SFMBT2: variants seen among roughly 807,000 people sequenced by gnomAD.
The protein encoded by SFMBT2 is Scm like with four mbt domains 2.
SFMBT2 carries 38 observed loss-of-function variants against 110.1 expected under a neutral mutation model. That is an observed-to-expected ratio of 0.35 (90% CI 0.27 to 0.45). The LOEUF (loss-of-function observed/expected upper bound fraction) is 0.45, where lower values mean the gene tolerates loss of function less well. SFMBT2 is among the 20% of genes least tolerant of loss of function. SFMBT2 has a pLI of 1.00. For missense variants in SFMBT2, 1,011 were observed against 1,094.9 expected (o/e 0.92, Z 1.08); for synonymous variants, 425 against 425.4 (o/e 1.00, Z 0.01).
chr10:7,395,797 T>C (rs1845909219), intron 1 of SFMBT2, among the ~76,000 whole-genome samples: 1 of 152,132 alleles, frequency 6.6e-6, no homozygotes, highest in African/African-American at 2.4e-5. Context: ...TCCCTAAGGC[T>C]ATGAATGTTT....
rs776087473 is a variant in SFMBT2 at position 7,188,705 on chromosome 10, T to C, written c.1727A>G (p.Tyr576Cys). ...TTCTCTTAATACCCTTCCAGGCTTG[T>C]AGGCTGCGTTGATTATCATGCTAAG... is the stretch of plus-strand genomic sequence containing the variant. ...EVLSMIINAA[Y>C]KPGRVLRELQ... The change falls in exon 16 of 21, where the codon TAC (tyrosine) becomes TGC (cysteine). Residue 576 changes from tyrosine to cysteine, a missense_variant. Physicochemically the swap from Tyr to Cys is radical, Grantham distance 194. Transcript: ENST00000397167. The C allele has an allele frequency of 1.9e-6, 3 of 1,613,402 alleles. No individual in the cohort carries two copies. Among genetic ancestry groups the C allele is most frequent in the Non-Finnish European group, 1.7e-6 (2 of 1,179,618 alleles).
At chr10:7,352,034 T>C (rs1377283020) in intron 4 of SFMBT2, among the ~76,000 whole-genome samples, 1 of 151,928 alleles carries the variant, frequency 6.6e-6, no homozygotes, top group Non-Finnish European at 1.5e-5. Context: ...TTTTCTGAAG[T>C]CGCTTTTTTC....
At chr10:7,295,373 A>G (rs976154405) in intron 4 of SFMBT2, 5 of 152,210 alleles carry the variant, frequency 3.3e-5, no homozygotes, top group Admixed American at 2.0e-4. Context: ...CACCTCCAAC[A>G]ACTGGCCAAC....
At chr10:7,254,053 C>G (rs1046210788) in intron 7 of SFMBT2, among the ~76,000 whole-genome samples, 24 of 152,186 alleles carry the variant, frequency 1.6e-4, no homozygotes, top group African/African-American at 5.8e-4. Context: ...ACTGAAACTT[C>G]TGGCCATTGG....
At chr10:7,298,383 T>G (rs1842465768) in intron 4 of SFMBT2, among the ~76,000 whole-genome samples, 1 of 152,130 alleles carries the variant, frequency 6.6e-6, no homozygotes, top group African/African-American at 2.4e-5. Context: ...CCATCCTGGG[T>G]CACCACATGT....
chr10:7,287,462 ATCTCTTTGGCAT>A (rs1842129243), intron 4 of SFMBT2: 1 of 243,724 alleles, frequency 4.1e-6, no homozygotes. Context: ...AGGAAAGCAT[ATCTCTTTGGCAT>A]GTCTCCCAAG....
rs143997578 is a variant in SFMBT2 at position 7,293,727 on chromosome 10, C to CCTCT, written c.437-7777_437-7774dup. On this transcript the variant is annotated intron_variant, in intron 4 of 20. Transcript: ENST00000397167. The surrounding 1 kb of genome is among the most constrained non-coding windows in gnomAD (Gnocchi z 4.6). The stretch of plus-strand genomic sequence containing the variant: ...CTCTTTCTCTCTCTCTCTTTCTCTC[C>CCTCT]CTCTCTCTCTCTCTCATCCAAGGCA... Among the ~76,000 whole-genome samples, 1 of 150,032 alleles carries CCTCT rather than the reference C, an allele frequency of 6.7e-6. No homozygotes were observed. Among genetic ancestry groups the CCTCT allele is most frequent in the Non-Finnish European group, 1.5e-5 (1 of 67,322 alleles).
At chr10:7,189,693 G>C (rs147779490) in intron 15 of SFMBT2, among the ~76,000 whole-genome samples, 119 of 152,306 alleles carry the variant, frequency 7.8e-4, no homozygotes, top group Non-Finnish European at 1.5e-3. Flanking sequence ...AACAAGACGG[G>C]GGAGCACGCA....
intron 7 of SFMBT2, among the ~76,000 whole-genome samples, chr10:7,267,802 G>C (rs765539265): frequency 6.6e-6 from 1 of 151,918 alleles, no homozygotes; most frequent in Non-Finnish European, 1.5e-5. Context: ...TTCTTTAAAG[G>C]ATAAAAAAAG....
At chr10:7,252,745 T>C (rs1273054979) in intron 7 of SFMBT2, among the ~76,000 whole-genome samples, 1 of 152,186 alleles carries the variant, frequency 6.6e-6, no homozygotes, top group East Asian at 1.9e-4. Context: ...TCTCCCAGGT[T>C]TCAGCTGTGT....
intron 16 of SFMBT2, among the ~76,000 whole-genome samples, chr10:7,177,726 C>T (rs1005342930): frequency 7.2e-5 from 11 of 151,802 alleles, no homozygotes; most frequent in African/African-American, 2.2e-4. Context: ...ACTATGGGCA[C>T]GGTGGGGCAC....
intron 2 of SFMBT2, among the ~76,000 whole-genome samples, chr10:7,378,029 G>A (rs560501869): frequency 5.3e-5 from 8 of 151,752 alleles, no homozygotes; most frequent in Non-Finnish European, 1.2e-4. Flanking sequence ...GGGTGGGAGT[G>A]TGTGTGTGGA....
chr10:7,373,533 AGCCAC>A (rs1845116488), intron 2 of SFMBT2, among the ~76,000 whole-genome samples: 1 of 152,192 alleles, frequency 6.6e-6, no homozygotes, highest in Non-Finnish European at 1.5e-5. Flanking sequence ...AATCACCCTG[AGCCAC>A]TGTTGTCCAG....
rs750875082 is a variant in SFMBT2, at chr10:7,170,923, C to G, written c.2544+5G>C. 1 of 1,614,158 alleles carries G rather than the reference C, an allele frequency of 6.2e-7. No homozygotes were observed. Among genetic ancestry groups the G allele is most frequent in the Admixed American group, 1.7e-5 (1 of 60,030 alleles). ...CAAACAATCGACACGCGGCAACCAC[C>G]GTACCTGCTCCTGAAATATCTTGGC... On this transcript the variant is annotated splice_donor_5th_base_variant and intron_variant, in intron 20 of 20. Coordinates refer to ENST00000397167, the MANE Select transcript of SFMBT2 (RefSeq NM_001387889.1). The surrounding 1 kb of genome is among the most constrained non-coding windows in gnomAD (Gnocchi z 4.6).
intron 1 of SFMBT2, among the ~76,000 whole-genome samples, chr10:7,383,123 C>A (rs1041652893): frequency 6.6e-6 from 1 of 152,192 alleles, no homozygotes; most frequent in Admixed American, 6.5e-5. Flanking sequence ...TATAATGCAC[C>A]TGTATCTATC....
At chr10:7,204,887 A>AAT in intron 12 of SFMBT2, 36 of 872,960 alleles carry the variant, frequency 4.1e-5, no homozygotes, top group South Asian at 5.3e-5. Flanking sequence ...AAAAAAAAAA[A>AAT]TTTTTTTTTT....
intron 10 of SFMBT2, 41 bp from the exon 11 acceptor site, chr10:7,220,578 C>A (rs1416963541): frequency 4.3e-6 from 7 of 1,611,894 alleles, no homozygotes; most frequent in Non-Finnish European, 5.1e-6. Context: ...AGTGCTGACG[C>A]AGCAGGACAA....
intron 9 of SFMBT2, among the ~76,000 whole-genome samples, chr10:7,236,856 T>C (rs1166137103): frequency 1.3e-5 from 2 of 152,206 alleles, no homozygotes; most frequent in Non-Finnish European, 2.9e-5. Context: ...GGTTATCATA[T>C]GTGTGAAGCA....
intron 9 of SFMBT2, among the ~76,000 whole-genome samples, chr10:7,229,927 C>G (rs1424456321): frequency 2.6e-5 from 4 of 151,650 alleles, no homozygotes; most frequent in African/African-American, 9.7e-5. Context: ...CCATATTGGC[C>G]GGGCTGGTCT....
Sources: allele counts gnomAD v4.1 joint callset (sites outside exome capture counted in the v4.1 genomes callset), GRCh38; gene constraint gnomAD v4.1.1; non-coding constraint Gnocchi (gnomAD v3.1); transcripts MANE v1.5; gene names NCBI Gene and HGNC (gene_info 2026-07-23, HGNC 2026-07-21).